The following ASAH2 variants were observed in gnomAD, a reference collection of about 807,000 sequenced individuals.
ASAH2 encodes the protein neutral ceramidase.
ASAH2 carries 58 observed loss-of-function variants against 82.9 expected under a neutral mutation model. The ratio of observed to expected loss-of-function variants is 0.70; its 90% CI spans 0.57 to 0.87. The LOEUF is 0.87. Ranked by LOEUF, ASAH2 falls within the 40% of genes least tolerant of loss-of-function variation. ASAH2 has a pLI of 0.00. For missense variants in ASAH2, 779 were observed against 834.0 expected (o/e 0.93, Z 0.81); for synonymous variants, 276 against 289.7 (o/e 0.95, Z 0.48).
chr10:50,198,952 C>T (rs1428315669), intron 17 of ASAH2, 99 bp downstream of exon 17: 164 of 1,340,612 alleles, frequency 1.2e-4, no homozygotes, highest in Non-Finnish European at 1.7e-4. Flanking sequence ...TTTCACTTCC[C>T]TCTGCATTTT....
At chr10:50,204,982 G>C (rs995585405) in intron 13 of ASAH2, 27 bp from the exon 14 acceptor site, 1 of 1,504,860 alleles carries the variant, frequency 6.6e-7, no homozygotes, top group East Asian at 2.3e-5. Context: ...AGAAAATTAT[G>C]TTAGGGATAA....
intron 8 of ASAH2, among the ~76,000 whole-genome samples, chr10:50,217,511 G>A (rs951980624): frequency 7.2e-5 from 11 of 152,118 alleles, no homozygotes; most frequent in Non-Finnish European, 1.6e-4. Context: ...ACAGGTGTGA[G>A]CCACTGCATT....
chr10:50,200,654 G>T (rs1182011094), intron 16 of ASAH2, among the ~76,000 whole-genome samples: 1 of 151,860 alleles, frequency 6.6e-6, no homozygotes, highest in East Asian at 1.9e-4. Flanking sequence ...CTTCCTACTA[G>T]ACCCCCAGCT....
chr10:50,219,856 G>A (rs1343524915), intron 7 of ASAH2, among the ~76,000 whole-genome samples: 3 of 152,210 alleles, frequency 2.0e-5, no homozygotes, highest in Admixed American at 2.0e-4. Flanking sequence ...GTGGACTGTA[G>A]AAAACTTGCA....
At chr10:50,236,309 A>G (rs1846157505) in intron 4 of ASAH2, among the ~76,000 whole-genome samples, 4 of 152,112 alleles carry the variant, frequency 2.6e-5, no homozygotes, top group Non-Finnish European at 1.5e-5. Flanking sequence ...AGGGGAAGCA[A>G]ATATGTCCTC....
chr10:50,239,828 AT>A (rs1208518684), intron 4 of ASAH2, among the ~76,000 whole-genome samples: 12,268 of 120,410 alleles, frequency 0.1, 874 homozygotes, highest in African/African-American at 0.26. Flanking sequence ...CTCACATTTA[AT>A]TTTTTTTTTT....
intron 3 of ASAH2, among the ~76,000 whole-genome samples, chr10:50,243,608 GCTGTTCC>G (rs556976291): frequency 5.1e-4 from 77 of 152,314 alleles, no homozygotes; most frequent in Middle Eastern, 3.4e-3. Flanking sequence ...GTTGGCAGAA[GCTGTTCC>G]CTGGCTTATG....
intron 7 of ASAH2, among the ~76,000 whole-genome samples, chr10:50,219,554 T>C (rs1487298617): frequency 6.6e-6 from 1 of 152,200 alleles, no homozygotes; most frequent in Non-Finnish European, 1.5e-5. Flanking sequence ...GAAATGCTAA[T>C]TCATAAACTG....
rs555374068 is a variant in ASAH2 at position 50,212,276 on chromosome 10, T to G, written c.1227+696A>C. ...TTAACCATATCAAGGACATCTCAGT[T>G]CGAGGTAATTTTTTTGTCTTTTTGC... On this transcript the variant is annotated intron_variant, in intron 10 of 20. Coordinates refer to ENST00000682911, the MANE Select transcript of ASAH2 (RefSeq NM_019893.4). 5.9e-5 allele frequency among the ~76,000 whole-genome samples: 9 copies of G among 152,058 alleles called. No individual in the cohort carries two copies. The East Asian group carries it at 1.7e-3, about 29-fold the overall frequency.
chr10:50,185,801 A>G lies in ASAH2; in HGVS notation c.*1514T>C. On this transcript the variant is annotated 3_prime_UTR_variant, in exon 21 of 21. Coordinates refer to ENST00000682911, the MANE Select transcript of ASAH2 (RefSeq NM_019893.4). ...TTATGTTGAGATTAAGTTATACATA[A>G]TAGATGTTAATACTACCATTATGAA... 6.9e-6 allele frequency: 1 copy of G among 144,372 alleles called. No homozygotes were observed. The highest frequency in any genetic ancestry group is 6.9e-5 in the Admixed American group (1 of 14,564). 8.9% of individuals were successfully genotyped at this position (144,372 alleles called of 1,614,324 possible). A position where few individuals can be genotyped will look rare whatever the true frequency, so the allele number is the denominator to read the frequency against.
intron 12 of ASAH2, among the ~76,000 whole-genome samples, chr10:50,210,469 C>T (rs987002623): frequency 2.0e-5 from 3 of 151,954 alleles, no homozygotes; most frequent in African/African-American, 7.3e-5. Context: ...CACTGTACTC[C>T]AGCCTGGGTG....
At chr10:50,223,515 C>A (rs1203303057) in intron 7 of ASAH2, among the ~76,000 whole-genome samples, 1 of 152,080 alleles carries the variant, frequency 6.6e-6, no homozygotes, top group Non-Finnish European at 1.5e-5. Context: ...GACCTAAACG[C>A]CCACAAATAG....
chr10:50,218,275 T>C (rs1438428020), intron 8 of ASAH2, among the ~76,000 whole-genome samples: 2 of 152,216 alleles, frequency 1.3e-5, no homozygotes, highest in African/African-American at 4.8e-5. Context: ...ACTAATAACT[T>C]TATGAAGCAA....
intron 7 of ASAH2, among the ~76,000 whole-genome samples, chr10:50,229,096 AT>A (rs1248490010): frequency 3.3e-5 from 5 of 152,190 alleles, no homozygotes; most frequent in African/African-American, 1.2e-4. Context: ...TTTCTTTTTG[AT>A]GTAGACATTT....
intron 9 of ASAH2, among the ~76,000 whole-genome samples, chr10:50,213,670 A>G (rs1382648670): frequency 6.6e-6 from 1 of 152,148 alleles, no homozygotes; most frequent in African/African-American, 2.4e-5. Context: ...AAGCTTAGTT[A>G]AACTGGACAG....
In ASAH2 at chr10:50,234,487, A is replaced by G. The variant is rs1255786947; in HGVS notation, c.753T>C (p.Asp251=). The G allele has an allele frequency of 2.5e-6, 4 of 1,612,892 alleles. No individual in the cohort carries two copies. In the African/African-American group the frequency reaches 5.3e-5, roughly 22 times the overall value. The part of the protein sequence containing the change: ...GKIFINKGNV[D]GVQINRSPYS... ...ACGGACTTCTGTTGATCTGCACACC[A>G]TCCACATTTCCTTTATTGATGAAGA... Residue 251 remains aspartate (D), a synonymous_variant, in exon 6 of 21, where the codon GAT becomes GAC. Transcript: ENST00000682911.
At chr10:50,244,141 T>G (rs1170067421) in intron 3 of ASAH2, among the ~76,000 whole-genome samples, 1 of 152,204 alleles carries the variant, frequency 6.6e-6, no homozygotes, top group Non-Finnish European at 1.5e-5. Context: ...GAGCGGGACA[T>G]ATGCAGAACG....
At chr10:50,215,761 C>T (rs1249704404) in intron 8 of ASAH2, among the ~76,000 whole-genome samples, 1 of 152,262 alleles carries the variant, frequency 6.6e-6, no homozygotes, top group African/African-American at 2.4e-5. Flanking sequence ...GATGATTCCT[C>T]AAGGATCTAG....
In ASAH2 at chr10:50,204,899, A is replaced by G; in HGVS notation, c.1587T>C (p.Leu529=). The change falls in exon 14 of 21, where the codon CTT becomes CTC. Residue 529 remains leucine (L), a synonymous_variant. Coordinates refer to ENST00000682911, the MANE Select transcript of ASAH2 (RefSeq NM_019893.4). The part of the protein sequence containing the change: ...PDIVDVQIIT[L]GSLAITAIPG... ...GGATGGCAGTTATGGCCAAGGACCC[A>G]AGGGTAATAATCTGAACATCAACAA... The G allele has an allele frequency of 1.9e-6, 3 of 1,612,022 alleles. No individual in the cohort carries two copies. The highest frequency in any genetic ancestry group is 2.5e-6 in the Non-Finnish European group (3 of 1,178,866).
Sources: gnomAD v4.1 joint callset for allele counts (sites outside exome capture counted in the v4.1 genomes callset) on GRCh38, gnomAD v4.1.1 for gene constraint, MANE v1.5 for transcripts, NCBI Gene and HGNC (gene_info 2026-07-23, HGNC 2026-07-21) for gene names.